UBE2E2: variants seen among roughly 807,000 people sequenced by gnomAD.
UBE2E2 encodes the protein ubiquitin-conjugating enzyme E2 E2.
In UBE2E2, 6 loss-of-function variants were observed where a neutral mutation model predicts 24.7. The ratio of observed to expected loss-of-function variants is 0.24; its 90% confidence interval spans 0.13 to 0.48. The LOEUF (loss-of-function observed/expected upper bound fraction) is 0.48. UBE2E2 is among the 20% of genes least tolerant of loss of function. The pLI is 0.99. For synonymous variants in UBE2E2, 104 were observed against 83.6 expected, an observed-to-expected ratio of 1.24 and a Z score of -1.33; for missense variants, 169 against 245.0, an observed-to-expected ratio of 0.69 and a Z score of 2.07.
At chr3:23,424,317 A>G (rs1389914916) in intron 3 of UBE2E2, among the ~76,000 whole-genome samples, 1 of 152,214 alleles carries the variant, frequency 6.6e-6, no homozygotes, top group Non-Finnish European at 1.5e-5. Context: ...ATGATTTCCT[A>G]AATGAATTCA....
intron 3 of UBE2E2, among the ~76,000 whole-genome samples, chr3:23,350,631 T>C (rs1443987686): frequency 6.6e-6 from 1 of 152,078 alleles, no homozygotes; most frequent in Non-Finnish European, 1.5e-5. Flanking sequence ...GAAGAAAGGG[T>C]ATCAGTGATG....
At chr3:23,545,943 A>G (rs1695513126) in intron 5 of UBE2E2, among the ~76,000 whole-genome samples, 1 of 152,172 alleles carries the variant, frequency 6.6e-6, no homozygotes, top group Non-Finnish European at 1.5e-5. Context: ...CTCACTTATA[A>G]AGCTAAGCTA....
At chr3:23,546,633 C>G (rs949286991) in intron 5 of UBE2E2, among the ~76,000 whole-genome samples, 3 of 151,624 alleles carry the variant, frequency 2.0e-5, no homozygotes, top group African/African-American at 7.3e-5. Context: ...ACCACCACGC[C>G]TGGCTAATTT....
chr3:23,370,254 C>G (rs1461254479), intron 3 of UBE2E2, among the ~76,000 whole-genome samples: 1 of 152,098 alleles, frequency 6.6e-6, no homozygotes, highest in Non-Finnish European at 1.5e-5. Context: ...ATAGATTTCC[C>G]TTTCTGTCTT....
chr3:23,512,442 A>ACTCCTGAGCTCAACCAGCC (rs1694621230), intron 4 of UBE2E2, among the ~76,000 whole-genome samples: 2 of 148,206 alleles, frequency 1.3e-5, no homozygotes, highest in African/African-American at 5.0e-5. Flanking sequence ...CTGATCTCAA[A>ACTCCTGAGCTCAACCAGCC]CTCCTGAGCT....
At chr3:23,483,709 C>T (rs540871436) in intron 3 of UBE2E2, among the ~76,000 whole-genome samples, 4 of 152,286 alleles carry the variant, frequency 2.6e-5, no homozygotes, top group Admixed American at 2.0e-4. Flanking sequence ...CACTTTGAGG[C>T]CCTCAGTGAC....
chr3:23,219,146 C>A (rs1696558428), intron 3 of UBE2E2, among the ~76,000 whole-genome samples: 1 of 152,160 alleles, frequency 6.6e-6, no homozygotes, highest in Admixed American at 6.6e-5. Flanking sequence ...GAAGCTAGGT[C>A]TGCAGTGCAG....
In UBE2E2 at chr3:23,276,168, A is replaced by G. The variant is rs368304870; in HGVS notation, c.227+58856A>G. Among the ~76,000 whole-genome samples, 3 of 152,214 alleles carry G rather than the reference A, an allele frequency of 2.0e-5. No individual in the cohort carries two copies. The South Asian group carries it at 6.2e-4, about 32-fold the overall frequency. ...TGTTGGAGAGCCTTCATGATTTTCC[A>G]TTATTCATTTCCTTCAGACAGCTCC... On this transcript the variant is annotated intron_variant, in intron 3 of 5. Transcript: ENST00000396703.
At chr3:23,535,715 C>T (rs1224857773) in intron 5 of UBE2E2, among the ~76,000 whole-genome samples, 4 of 151,194 alleles carry the variant, frequency 2.6e-5, no homozygotes, top group African/African-American at 4.9e-5. Flanking sequence ...CCTCTCCTCC[C>T]GGGTTCAAGC....
intron 4 of UBE2E2, among the ~76,000 whole-genome samples, chr3:23,508,040 G>GA (rs1217132347): frequency 1.3e-5 from 2 of 152,136 alleles, no homozygotes; most frequent in African/African-American, 4.8e-5. Flanking sequence ...TGTCAGAATG[G>GA]CCTTGTATCC....
intron 2 of UBE2E2, among the ~76,000 whole-genome samples, chr3:23,209,783 A>G (rs574268299): frequency 6.6e-6 from 1 of 152,162 alleles, no homozygotes; most frequent in South Asian, 2.1e-4. Flanking sequence ...TAGTCAGTCT[A>G]CAGGGTTGGA....
At chr3:23,290,266 G>C (rs148591675) in intron 3 of UBE2E2, among the ~76,000 whole-genome samples, 80 of 152,330 alleles carry the variant, frequency 5.3e-4, no homozygotes, top group African/African-American at 1.9e-3. Flanking sequence ...CACTTTATTA[G>C]TTTGTGGACC....
chr3:23,375,907 A>G (rs1209933175), intron 3 of UBE2E2, among the ~76,000 whole-genome samples: 2 of 152,214 alleles, frequency 1.3e-5, no homozygotes, highest in Non-Finnish European at 2.9e-5. Context: ...ATTAAATTAT[A>G]TGTAGCCAAA....
intron 3 of UBE2E2, among the ~76,000 whole-genome samples, chr3:23,403,863 G>C (rs1697289751): frequency 6.7e-6 from 1 of 149,758 alleles, no homozygotes; most frequent in Non-Finnish European, 1.5e-5. Flanking sequence ...AAAACATAGA[G>C]GACAAACAAA....
intron 3 of UBE2E2, among the ~76,000 whole-genome samples, chr3:23,273,315 G>A (rs11708176): frequency 0.39 from 59,490 of 151,972 alleles, 12,139 homozygotes; most frequent in Admixed American, 0.53. Context: ...CGAGGTGGGC[G>A]GATCACGAGG....
chr3:23,486,659 A>G (rs750452910), intron 3 of UBE2E2, among the ~76,000 whole-genome samples: 3 of 152,102 alleles, frequency 2.0e-5, no homozygotes, highest in Non-Finnish European at 2.9e-5. Flanking sequence ...CAAGACAGAG[A>G]GAAGCTTTAT....
At chr3:23,553,056 T>C (rs932412613) in intron 5 of UBE2E2, among the ~76,000 whole-genome samples, 11 of 151,612 alleles carry the variant, frequency 7.3e-5, no homozygotes, top group Admixed American at 2.0e-4. Context: ...TGGAGTTTTA[T>C]GGATAAAAGT....
At chr3:23,447,586 A>G (rs769222403) in intron 3 of UBE2E2, among the ~76,000 whole-genome samples, 3 of 152,210 alleles carry the variant, frequency 2.0e-5, no homozygotes, top group Admixed American at 6.5e-5. Flanking sequence ...TGGAAAAACA[A>G]TTATCTCTGA....
chr3:23,348,985 T>C (rs2125317438), intron 3 of UBE2E2, among the ~76,000 whole-genome samples: 1 of 152,234 alleles, frequency 6.6e-6, no homozygotes, highest in Admixed American at 6.5e-5. Flanking sequence ...GACTATCCCC[T>C]GACCACCCCC....
Sources: allele counts gnomAD v4.1 joint callset (sites outside exome capture counted in the v4.1 genomes callset), GRCh38; gene constraint gnomAD v4.1.1; transcripts MANE v1.5; gene names NCBI Gene and HGNC (gene_info 2026-07-23, HGNC 2026-07-21).